MYO5C: variants seen among roughly 807,000 people sequenced by gnomAD.
The protein encoded by MYO5C is unconventional myosin-Vc.
A neutral mutation model predicts 235.7 loss-of-function variants in MYO5C; 194 were observed. The ratio of observed to expected loss-of-function variants is 0.82; its 90% CI spans 0.73 to 0.93. MYO5C has a LOEUF of 0.93. MYO5C is among the 40% of genes least tolerant of loss of function. The pLI is 0.00. For synonymous variants in MYO5C, 707 were observed against 754.8 expected (o/e 0.94, Z 1.04); for missense variants, 2,038 against 2,127.2 (o/e 0.96, Z 0.82).
At chr15:52,278,382 C>T (rs1283087558) in intron 4 of MYO5C, among the ~76,000 whole-genome samples, 1 of 152,104 alleles carries the variant, frequency 6.6e-6, no homozygotes, top group Non-Finnish European at 1.5e-5. Flanking sequence ...GCCTCATTCA[C>T]AGGAGGCTTT....
intron 16 of MYO5C, 105 bp from the exon 17 acceptor site, chr15:52,246,147 C>T: frequency 1.2e-6 from 1 of 800,348 alleles, no homozygotes; most frequent in Non-Finnish European, 2.1e-6. Flanking sequence ...TGCCAGGTAC[C>T]CAGCAGATAC....
chr15:52,264,091 C>G, intron 9 of MYO5C, 99 bp downstream of exon 9: 1 of 860,030 alleles, frequency 1.2e-6, no homozygotes, highest in Non-Finnish European at 1.8e-6. Context: ...CCCAGGAGGC[C>G]GACTATATCT....
In MYO5C at chr15:52,208,694, C is replaced by CT. The variant is rs1452995142; in HGVS notation, c.4297-52dup. The CT allele has an allele frequency of 2.7e-6, 4 of 1,503,466 alleles. No individual in the cohort carries two copies. The African/African-American group carries it at 5.5e-5, about 21-fold the overall frequency. The allele number at this position is 1,503,466 out of a possible 1,614,324, so 93.1% of individuals were successfully genotyped here. ...TTGGTCTTGATGATTACTTGTACCT[C>CT]TGAGCATTTACCTGTTTGGTTATTT... On this transcript the variant is annotated intron_variant, in intron 35 of 40. Coordinates refer to ENST00000261839, the MANE Select transcript of MYO5C (RefSeq NM_018728.4).
chr15:52,195,878 A>C (rs532363550), intron 39 of MYO5C, among the ~76,000 whole-genome samples: 1 of 149,764 alleles, frequency 6.7e-6, no homozygotes, highest in East Asian at 2.1e-4. Flanking sequence ...GGCTCACTGC[A>C]GCCTCGAACC....
chr15:52,286,700 GGC>G (rs1211645496), intron 1 of MYO5C, among the ~76,000 whole-genome samples: 2 of 151,908 alleles, frequency 1.3e-5, no homozygotes, highest in Admixed American at 1.3e-4. Context: ...ATGGATTAAG[GGC>G]GGTGCAAGAT....
intron 11 of MYO5C, among the ~76,000 whole-genome samples, chr15:52,253,918 G>C (rs780163793): frequency 6.6e-6 from 1 of 151,686 alleles, no homozygotes; most frequent in Non-Finnish European, 1.5e-5. Flanking sequence ...GGGTATCAGG[G>C]AGGCTTCCCA....
chr15:52,276,976 G>T (rs1446935717), intron 4 of MYO5C: 1 of 391,336 alleles, frequency 2.6e-6, no homozygotes, highest in Non-Finnish European at 5.2e-6. Flanking sequence ...AGAGTAAAAT[G>T]GTGACTCAGG....
At chr15:52,224,827 T>C (rs989151718) in intron 28 of MYO5C, 74 bp downstream of exon 28, 2 of 1,243,618 alleles carry the variant, frequency 1.6e-6, no homozygotes, top group Non-Finnish European at 2.3e-6. Context: ...CTATGTAAGG[T>C]AAACTTTGGA....
chr15:52,248,846 G>A, intron 13 of MYO5C, 63 bp from the exon 14 acceptor site: 1 of 1,089,230 alleles, frequency 9.2e-7, no homozygotes, highest in East Asian at 2.4e-5. Context: ...CTAAGCACAA[G>A]TTTCATCTCT....
chr15:52,229,210 G>C lies in MYO5C; in HGVS notation c.3130C>G (p.Gln1044Glu). The C allele has an allele frequency of 1.9e-6, 3 of 1,614,212 alleles. No individual in the cohort carries two copies. Among genetic ancestry groups the C allele is most frequent in the Non-Finnish European group, 2.5e-6 (3 of 1,180,036 alleles). ...ACGTGCTCCCCCTCCACCAGGTGTT[G>C]GAGTTGCATCTTCTCATCCTTGAGA... Reference protein sequence around the residue: ...KALKDEKMQLQHLVEGEHVTS... With the variant: ...KALKDEKMQLEHLVEGEHVTS... The change falls in exon 25 of 41, where the codon CAA becomes GAA. Residue 1044 changes from glutamine (Q) to glutamate (E), a missense_variant. By Grantham distance (29) the Gln-to-Glu change is conservative. Coordinates refer to ENST00000261839, the MANE Select transcript of MYO5C (RefSeq NM_018728.4).
In MYO5C at chr15:52,260,136, C is replaced by T. The variant is rs555571811; in HGVS notation, c.1313+726G>A. Among the ~76,000 whole-genome samples the T allele has an allele frequency of 2.0e-5, 3 of 152,380 alleles. No homozygotes were observed. In the South Asian group the frequency reaches 6.2e-4, roughly 32 times the overall value. ...TCCATGCCAGCTTCCACTCTGGTTA[C>T]TCCATAGCTGTTTCAGCACGAGCTG... On this transcript the variant is annotated intron_variant, in intron 10 of 40. Coordinates refer to ENST00000261839, the MANE Select transcript of MYO5C (RefSeq NM_018728.4).
At chr15:52,248,649 G>T in intron 14 of MYO5C, 51 bp downstream of exon 14, 2 of 1,240,388 alleles carry the variant, frequency 1.6e-6, no homozygotes, top group Non-Finnish European at 2.4e-6. Flanking sequence ...TATACATCTA[G>T]ATCCATGTCA....
At chr15:52,247,771 T>C (rs1324055621) in intron 14 of MYO5C, among the ~76,000 whole-genome samples, 179 bp from the exon 15 acceptor site, 1 of 152,222 alleles carries the variant, frequency 6.6e-6, no homozygotes, top group Non-Finnish European at 1.5e-5. Flanking sequence ...GGATGGCCCG[T>C]GACTTCTTTC....
rs192721224 is a variant in MYO5C at position 52,293,784 on chromosome 15, C to A, written c.27+1826G>T. Among the ~76,000 whole-genome samples the A allele has an allele frequency of 9.2e-5, 14 of 152,316 alleles. No individual in the cohort carries two copies. In the South Asian group the frequency reaches 2.9e-3, roughly 32 times the overall value. ...GCCTCTCTCCTCCACAGCCCAAGGG[C>A]GCTGCTGGCATACATAACAAATCTA... On this transcript the variant is annotated intron_variant, in intron 1 of 40. Transcript: ENST00000261839.
chr15:52,219,099 G>A (rs1044097488), intron 31 of MYO5C, among the ~76,000 whole-genome samples: 2 of 151,974 alleles, frequency 1.3e-5, no homozygotes, highest in Admixed American at 6.5e-5. Context: ...TTCCAAAATG[G>A]TGCCTCGCTC....
rs1370293368 is a variant in MYO5C, at chr15:52,247,574, A to G, written c.1765T>C (p.Phe589Leu). ...RASKFHLCAN[F>L]FQENPTPPSP... ...GGAGGAGTTGGATTTTCTTGAAAAA[A>G]GTTGGCACAGAGATGAAACTGGAAG... The change falls in exon 15 of 41, where the codon TTT becomes CTT. Residue 589 changes from phenylalanine (F) to leucine (L), a missense_variant. Transcript: ENST00000261839. 1.2e-6 allele frequency: 2 copies of G among 1,614,102 alleles called. No homozygotes were observed. The highest frequency in any genetic ancestry group is 1.7e-5 in the Admixed American group (1 of 60,014).
rs1353026028 is a variant in MYO5C, at chr15:52,240,588, T to C, written c.2557-709A>G. Among the ~76,000 whole-genome samples the C allele has an allele frequency of 2.0e-5, 3 of 148,578 alleles. No individual in the cohort carries two copies. In the East Asian group the frequency reaches 5.8e-4, roughly 29 times the overall value. ...AGAAAAAAAAAAAAGAAAAATTAGCTGGGCATGGTGGCTCACGCCTGTGGT... is the reference window on the plus strand; with the variant it reads ...AGAAAAAAAAAAAAGAAAAATTAGCCGGGCATGGTGGCTCACGCCTGTGGT... On this transcript the variant is annotated intron_variant, in intron 20 of 40. Transcript: ENST00000261839.
At chr15:52,210,984 C>T (rs2035429732) in intron 35 of MYO5C, among the ~76,000 whole-genome samples, 1 of 152,162 alleles carries the variant, frequency 6.6e-6, no homozygotes, top group Non-Finnish European at 1.5e-5. Flanking sequence ...GATATGTATA[C>T]CATACACACA....
chr15:52,248,742 G>A lies in MYO5C; in HGVS notation c.1704C>T (p.Asp568=). 1 of 1,614,098 alleles carries A rather than the reference G, an allele frequency of 6.2e-7. No individual in the cohort carries two copies. The highest frequency in any genetic ancestry group is 8.5e-7 in the Non-Finnish European group (1 of 1,180,000). ...TTTCAACCAGCATGTCATAGACGGT[G>A]TCTCTGTTTTTCTCCAGGAAACCTT... ...KCEGFLEKNR[D]TVYDMLVEIL... The change falls in exon 14 of 41, where the codon GAC becomes GAT. Residue 568 remains aspartate, a synonymous_variant. Transcript: ENST00000261839.
Sources: allele counts gnomAD v4.1 joint callset (sites outside exome capture counted in the v4.1 genomes callset), GRCh38; gene constraint gnomAD v4.1.1; transcripts MANE v1.5; gene names NCBI Gene and HGNC (gene_info 2026-07-23, HGNC 2026-07-21).